Variants in NAV2 observed in about 807,000 individuals in gnomAD.
NAV2 encodes the protein helicase, APC down-regulated 1.
In NAV2, 54 loss-of-function variants were observed where a neutral mutation model predicts 223.2. The ratio of observed to expected loss-of-function variants is 0.24; its 90% CI spans 0.19 to 0.30. The LOEUF (loss-of-function observed/expected upper bound fraction) is 0.30. Among genes scored for constraint, NAV2 ranks in the 10% least tolerant of loss-of-function variants. The pLI is 1.00. For synonymous variants in NAV2, 1,279 were observed against 1,239.3 expected, an observed-to-expected ratio of 1.03 and a Z score of -0.67; for missense variants, 2,806 against 3,147.5, an observed-to-expected ratio of 0.89 and a Z score of 2.60.
At chr11:19,420,944 C>T (rs569905042) in intron 1 of NAV2, among the ~76,000 whole-genome samples, 2 of 152,190 alleles carry the variant, frequency 1.3e-5, no homozygotes, top group African/African-American at 2.4e-5. Flanking sequence ...GTGACCTCCA[C>T]GGTGCATGGC....
At chr11:19,909,993 G>A (rs752263802) in intron 6 of NAV2, among the ~76,000 whole-genome samples, 1 of 152,132 alleles carries the variant, frequency 6.6e-6, no homozygotes, top group Non-Finnish European at 1.5e-5. Flanking sequence ...CAAAGAAAAT[G>A]GTAACAGTCA....
At chr11:19,818,423 A>G (rs2152838903) in intron 1 of NAV2, among the ~76,000 whole-genome samples, 1 of 152,122 alleles carries the variant, frequency 6.6e-6, no homozygotes, top group Admixed American at 6.5e-5. Context: ...ACAGTAGTGC[A>G]TTATTATATA....
chr11:19,869,126 T>C, intron 4 of NAV2, 129 bp downstream of exon 4: 3 of 855,520 alleles, frequency 3.5e-6, no homozygotes, highest in East Asian at 5.5e-5. Flanking sequence ...TTTTCCTTTA[T>C]GTTGCTCAGT....
At chr11:19,628,205 T>G (rs1423495788) in intron 1 of NAV2, among the ~76,000 whole-genome samples, 6 of 151,924 alleles carry the variant, frequency 3.9e-5, no homozygotes, top group African/African-American at 1.5e-4. Flanking sequence ...AGCAGAGGAG[T>G]TGGACTTGTC....
intron 1 of NAV2, chr11:19,380,690 T>G (rs1848808726): frequency 6.6e-6 from 1 of 152,260 alleles, no homozygotes; most frequent in African/African-American, 2.4e-5. Context: ...GAGTAGATTT[T>G]CTGCATAAAT....
chr11:19,898,679 C>T (rs1481668413), intron 6 of NAV2, among the ~76,000 whole-genome samples: 1 of 152,078 alleles, frequency 6.6e-6, no homozygotes, highest in African/African-American at 2.4e-5. Context: ...ATAACCATTT[C>T]AGTGTAATTG....
At chr11:19,613,936 T>C (rs1188975838) in intron 1 of NAV2, among the ~76,000 whole-genome samples, 1 of 152,240 alleles carries the variant, frequency 6.6e-6, no homozygotes, top group African/African-American at 2.4e-5. Flanking sequence ...AGGTTTGCTG[T>C]AAAATGCATG....
At chr11:19,513,978 C>T (rs2043360478) in intron 1 of NAV2, among the ~76,000 whole-genome samples, 1 of 152,198 alleles carries the variant, frequency 6.6e-6, no homozygotes, top group South Asian at 2.1e-4. Context: ...CACCTTGATT[C>T]TGGACTTCTA....
chr11:19,573,572 C>T (rs977466000), intron 1 of NAV2, among the ~76,000 whole-genome samples: 2 of 152,162 alleles, frequency 1.3e-5, no homozygotes, highest in East Asian at 1.9e-4. Context: ...GTGCCAGCCG[C>T]GGGCAGTGCC....
chr11:19,654,347 C>T (rs2135679726), intron 1 of NAV2, among the ~76,000 whole-genome samples: 1 of 152,316 alleles, frequency 6.6e-6, no homozygotes, highest in East Asian at 1.9e-4. Context: ...ATGCCATCCC[C>T]ATCAAGCTAC....
upstream of NAV2, among the ~76,000 whole-genome samples, chr11:19,710,645 G>C (rs1463332996): frequency 1.3e-5 from 2 of 152,234 alleles, no homozygotes; most frequent in Non-Finnish European, 2.9e-5. Context: ...CACTGCATTA[G>C]GGCCATGGGA....
chr11:19,844,184 G>A (rs980842797), intron 3 of NAV2, among the ~76,000 whole-genome samples: 2 of 152,156 alleles, frequency 1.3e-5, no homozygotes, highest in Non-Finnish European at 2.9e-5. Context: ...CAGCTGTCTA[G>A]GGTATTAATA....
intron 1 of NAV2, among the ~76,000 whole-genome samples, chr11:19,566,253 C>T (rs56871334): frequency 0.014 from 2,146 of 151,686 alleles, 68 homozygotes; most frequent in African/African-American, 0.049. Flanking sequence ...TTTGTTGTTG[C>T]TGTTGGTAAG....
At chr11:19,529,080 T>C (rs1227784808) in intron 1 of NAV2, among the ~76,000 whole-genome samples, 1 of 151,942 alleles carries the variant, frequency 6.6e-6, no homozygotes, top group Non-Finnish European at 1.5e-5. Flanking sequence ...ACACACACAC[T>C]CCAGGTCGGA....
chr11:19,859,658 C>T (rs2061582497), intron 3 of NAV2, among the ~76,000 whole-genome samples: 2 of 152,102 alleles, frequency 1.3e-5, no homozygotes, highest in South Asian at 4.1e-4. Flanking sequence ...CTGTTGAGTA[C>T]ACCTCCCAGA....
At chr11:19,718,873 A>G (rs1040484189) in intron 1 of NAV2, among the ~76,000 whole-genome samples, 4 of 152,174 alleles carry the variant, frequency 2.6e-5, no homozygotes, top group Non-Finnish European at 5.9e-5. Context: ...ACAAATATAT[A>G]CACATGGAAC....
upstream of NAV2, chr11:19,710,958 CT>C (rs2049847236): frequency 6.6e-6 from 1 of 152,124 alleles, no homozygotes; most frequent in Non-Finnish European, 1.5e-5. Flanking sequence ...TGTTTATTCT[CT>C]AAGATGAAAA....
intron 1 of NAV2, among the ~76,000 whole-genome samples, chr11:19,731,340 T>G (rs1158227546): frequency 6.6e-6 from 1 of 152,102 alleles, no homozygotes; most frequent in East Asian, 1.9e-4. Context: ...GCTCCCACAG[T>G]GGGAAGGGAA....
intron 1 of NAV2, among the ~76,000 whole-genome samples, chr11:19,705,327 C>A (rs1252919571): frequency 6.6e-6 from 1 of 152,184 alleles, no homozygotes; most frequent in South Asian, 2.1e-4. Flanking sequence ...AGAATCCAGA[C>A]GTTTTGATTT....
Sources: allele counts gnomAD v4.1 joint callset (sites outside exome capture counted in the v4.1 genomes callset), GRCh38; gene constraint gnomAD v4.1.1; transcripts MANE v1.5; gene names NCBI Gene and HGNC (gene_info 2026-07-23, HGNC 2026-07-21).